The following ERMP1 variants were observed in gnomAD, a reference collection of about 807,000 sequenced individuals.
ERMP1 encodes Felix-ina.
Under a neutral mutation model 92.0 loss-of-function variants are expected in ERMP1, and 86 were observed. The ratio of observed to expected loss-of-function variants is 0.93; its 90% CI spans 0.79 to 1.12. The LOEUF is 1.12. Among genes scored for constraint, ERMP1 ranks in the 50% most tolerant of loss-of-function variants. The pLI, the probability that ERMP1 is intolerant of heterozygous loss-of-function variation, is 0.00. For synonymous variants in ERMP1, 530 were observed against 412.8 expected (o/e 1.28, Z -3.44); for missense variants, 1,342 against 1,116.3 (o/e 1.20, Z -2.88).
intron 8 of ERMP1, among the ~76,000 whole-genome samples, chr9:5,808,667 A>T (rs1828962355): frequency 6.6e-6 from 1 of 152,234 alleles, no homozygotes; most frequent in Non-Finnish European, 1.5e-5. Flanking sequence ...TAATTCACAT[A>T]AACAATCTGA....
At chr9:5,859,242 G>A (rs1381252847) in intron 6 of ERMP1, among the ~76,000 whole-genome samples, 1 of 139,806 alleles carries the variant, frequency 7.2e-6, no homozygotes, top group East Asian at 2.0e-4. Context: ...AGGACTTAAT[G>A]GAATACTCTC....
At position 5,786,688 on chromosome 9, in the gene ERMP1, A is replaced by G. The variant is rs1014969023; in HGVS notation, c.*456T>C. ...ACTTTCCAGTGACCTACACAGAGTT[A>G]TATTCTCAAGGGGAATCATTACCTC... is the stretch of plus-strand genomic sequence containing the variant. On this transcript the variant is annotated 3_prime_UTR_variant, in exon 15 of 15. Transcript: ENST00000339450. 4.3e-5 allele frequency: 7 copies of G among 163,148 alleles called. No individual in the cohort carries two copies. Among genetic ancestry groups the G allele is most frequent in the Admixed American group, 3.4e-4 (6 of 17,468 alleles). The allele number at this position is 163,148 out of a possible 1,614,324, so 10.1% of individuals were successfully genotyped here. A position where few individuals can be genotyped will look rare whatever the true frequency, so the allele number is the denominator to read the frequency against.
At chr9:5,860,055 T>A (rs10758711) in intron 5 of ERMP1, among the ~76,000 whole-genome samples, 85,271 of 151,562 alleles carry the variant, frequency 0.56, 25,122 homozygotes, top group South Asian at 0.69. Context: ...ATTTCAGCAC[T>A]TTGAGAGGCT....
At chr9:5,856,342 G>A in intron 6 of ERMP1, 1 of 213,026 alleles carries the variant, frequency 4.7e-6, no homozygotes, top group Non-Finnish European at 1.0e-5. Flanking sequence ...CGCAAGAAAT[G>A]GCCATTGGAG....
intron 13 of ERMP1, among the ~76,000 whole-genome samples, chr9:5,791,806 A>G (rs533096671): frequency 6.6e-6 from 1 of 152,350 alleles, no homozygotes; most frequent in Admixed American, 6.5e-5. Context: ...GCCAGTGATT[A>G]TACTGGATGC....
At chr9:5,843,414 C>T (rs1378837374) in intron 6 of ERMP1, among the ~76,000 whole-genome samples, 1 of 152,222 alleles carries the variant, frequency 6.6e-6, no homozygotes, top group Non-Finnish European at 1.5e-5. Flanking sequence ...ATTCCACCCA[C>T]CTGCTGCCAG....
At chr9:5,789,649 G>C (rs548034408) in intron 13 of ERMP1, among the ~76,000 whole-genome samples, 2 of 152,128 alleles carry the variant, frequency 1.3e-5, no homozygotes, top group South Asian at 2.1e-4. Context: ...GGAATGCAGT[G>C]GCATGAACAG....
chr9:5,811,611 G>A (rs759839986), intron 6 of ERMP1, among the ~76,000 whole-genome samples: 1 of 152,020 alleles, frequency 6.6e-6, no homozygotes, highest in Non-Finnish European at 1.5e-5. Flanking sequence ...CCTTCTATTA[G>A]AACTATTCTC....
chr9:5,832,397 G>T, intron 1 of ERMP1: 1 of 387,066 alleles, frequency 2.6e-6, no homozygotes, highest in Non-Finnish European at 4.6e-6. Flanking sequence ...ATGGGGAGAC[G>T]ACTCACAACC....
rs539012101 is a variant in ERMP1, at chr9:5,805,262, G to A, written c.1724-45C>T. ...AAGCACACATCTATGAAATCCTCCA[G>A]TGAGATATAAATTTTTATAGTACTG... On this transcript the variant is annotated intron_variant, in intron 9 of 14. Coordinates refer to ENST00000339450, the MANE Select transcript of ERMP1 (RefSeq NM_024896.3). 32 of 1,453,270 alleles carry A rather than the reference G, an allele frequency of 2.2e-5. No homozygotes were observed. In the Admixed American group the frequency reaches 5.4e-4, roughly 24 times the overall value. 90.0% of individuals were successfully genotyped at this position (1,453,270 alleles called of 1,614,324 possible).
intron 6 of ERMP1, among the ~76,000 whole-genome samples, chr9:5,858,309 A>G (rs957342104): frequency 6.6e-6 from 1 of 152,236 alleles, no homozygotes; most frequent in South Asian, 2.1e-4. Context: ...AGTGCTGAGA[A>G]GTTCCAAAGA....
chr9:5,823,540 C>T (rs575387786), intron 4 of ERMP1, among the ~76,000 whole-genome samples: 5 of 152,294 alleles, frequency 3.3e-5, no homozygotes, highest in African/African-American at 9.6e-5. Flanking sequence ...TCAAATCACA[C>T]TCTGCCATTA....
At position 5,810,212 on chromosome 9, in the gene ERMP1, G is replaced by A. The variant is rs770382876; in HGVS notation, c.1347C>T (p.Asp449=). The part of the protein sequence containing the change: ...PKHKTGNYKK[D]FLCGLGITLI... ...AAGTGATGCCAAGTCCACACAAGAA[G>A]TCCTTCTTGTAGTTACCAGCTAATG... Residue 449 remains aspartate (D), a synonymous_variant, in exon 8 of 15, where the codon GAC becomes GAT. Transcript: ENST00000339450. 3.1e-6 allele frequency: 5 copies of A among 1,613,688 alleles called. No individual in the cohort carries two copies. The highest frequency in any genetic ancestry group is 3.3e-4 in the Middle Eastern group (2 of 6,060).
In ERMP1 at chr9:5,805,214, G is replaced by T; in HGVS notation, c.1727C>A (p.Ala576Asp). 1.9e-6 allele frequency: 3 copies of T among 1,600,312 alleles called. No homozygotes were observed. The highest frequency in any genetic ancestry group is 2.6e-6 in the Non-Finnish European group (3 of 1,174,856). The change falls in exon 10 of 15, where the codon GCC becomes GAC. Residue 576 changes from alanine to aspartate, a missense_variant. Physicochemically the swap from Ala to Asp is moderately radical, Grantham distance 126. Transcript: ENST00000339450. Reference protein sequence around the residue: ...CVHKDFKQHGAQGKFIAFYLL... With the variant: ...CVHKDFKQHGDQGKFIAFYLL... ...GTAAAAAGCAATAAATTTTCCTTGG[G>T]CACCTAGGGAAAAAGAGAAAAAAAG...
rs879119654 is a variant in ERMP1 at position 5,784,756 on chromosome 9, C to A, written c.*2388G>T. On this transcript the variant is annotated 3_prime_UTR_variant, in exon 15 of 15. Coordinates refer to ENST00000339450, the MANE Select transcript of ERMP1 (RefSeq NM_024896.3). ...ATCATGTTTGTTTATATATGCTAAACTGTAAAAACAAACACTTCATGCGAC... is the reference window on the plus strand; with the variant it reads ...ATCATGTTTGTTTATATATGCTAAAATGTAAAAACAAACACTTCATGCGAC... 1 of 126,710 alleles carries A rather than the reference C, an allele frequency of 7.9e-6. No homozygotes were observed. Among genetic ancestry groups the A allele is most frequent in the Non-Finnish European group, 1.6e-5 (1 of 61,158 alleles). 7.8% of individuals were successfully genotyped at this position (126,710 alleles called of 1,614,324 possible).
chr9:5,828,672 T>C (rs1371699702), intron 2 of ERMP1, among the ~76,000 whole-genome samples: 2 of 152,232 alleles, frequency 1.3e-5, no homozygotes, highest in Non-Finnish European at 2.9e-5. Flanking sequence ...CTTGAGTATC[T>C]CCCATGTACA....
At chr9:5,822,239 G>A (rs1829569128) in intron 4 of ERMP1, among the ~76,000 whole-genome samples, 1 of 152,100 alleles carries the variant, frequency 6.6e-6, no homozygotes, top group African/African-American at 2.4e-5. Context: ...GCAACGGAGT[G>A]AGACCCTGCT....
At chr9:5,864,879 GAACT>G (rs1420138029) in intron 5 of ERMP1, among the ~76,000 whole-genome samples, 3 of 152,050 alleles carry the variant, frequency 2.0e-5, no homozygotes, top group Non-Finnish European at 4.4e-5. Flanking sequence ...TAAAATAAAT[GAACT>G]AACACCTTTT....
chr9:5,802,153 C>A (rs1386549630), intron 10 of ERMP1, among the ~76,000 whole-genome samples: 3 of 152,098 alleles, frequency 2.0e-5, no homozygotes, highest in Non-Finnish European at 4.4e-5. Flanking sequence ...GAGGGTGACA[C>A]ATTTTGTTTT....
Sources: gnomAD v4.1 joint callset for allele counts (sites outside exome capture counted in the v4.1 genomes callset) on GRCh38, gnomAD v4.1.1 for gene constraint, MANE v1.5 for transcripts, NCBI Gene and HGNC (gene_info 2026-07-23, HGNC 2026-07-21) for gene names.